ARHGAP22: variants seen among roughly 807,000 people sequenced by gnomAD.
ARHGAP22 encodes rho GTPase-activating protein 22.
A neutral mutation model predicts 59.1 loss-of-function variants in ARHGAP22; 48 were observed. The ratio of observed to expected loss-of-function variants is 0.81; its 90% CI spans 0.64 to 1.03. The LOEUF is 1.03. ARHGAP22 is among the 50% of genes least tolerant of loss of function. The pLI, the probability that ARHGAP22 is intolerant of heterozygous loss-of-function variation, is 0.00. For missense variants in ARHGAP22, 1,015 were observed against 958.7 expected, an observed-to-expected ratio of 1.06 and a Z score of -0.78; for synonymous variants, 445 against 416.4, an observed-to-expected ratio of 1.07 and a Z score of -0.84.
intron 1 of ARHGAP22, among the ~76,000 whole-genome samples, chr10:48,646,459 T>C (rs1324312160): frequency 2.0e-5 from 3 of 152,216 alleles, no homozygotes; most frequent in Non-Finnish European, 4.4e-5. Flanking sequence ...ATCAAGATAG[T>C]ATGGTATAGG....
chr10:48,587,903 C>T (rs1005830102), intron 1 of ARHGAP22, among the ~76,000 whole-genome samples: 43 of 152,242 alleles, frequency 2.8e-4, no homozygotes, highest in Non-Finnish European at 7.3e-5. Flanking sequence ...AGCACTGCTG[C>T]ACCCTCTGTC....
intron 1 of ARHGAP22, among the ~76,000 whole-genome samples, chr10:48,597,946 A>C (rs1300966425): frequency 1.3e-5 from 2 of 152,202 alleles, no homozygotes; most frequent in Non-Finnish European, 2.9e-5. Flanking sequence ...AGTGGAGTCC[A>C]AGGTGGCCTC....
intron 1 of ARHGAP22, among the ~76,000 whole-genome samples, chr10:48,630,520 T>C (rs1736974123): frequency 6.6e-6 from 1 of 152,244 alleles, no homozygotes; most frequent in African/African-American, 2.4e-5. Context: ...TATGTACATA[T>C]TCTGTTAGAT....
Position 48,450,815 on chromosome 10 carries a change from T to C in ARHGAP22, c.1314A>G (p.Leu438=). Residue 438 remains leucine, a synonymous_variant, in exon 9 of 10, where the codon CTA becomes CTG. Coordinates refer to ENST00000249601, the MANE Select transcript of ARHGAP22 (RefSeq NM_021226.4). ...WKSSFRQPRS[L]SGSPKGGGSS... is the part of the protein sequence containing the mutation. ...AGCCGCCCCCCTTCGGGCTTCCCGA[T>C]AGGGACCTCGGCTGCCGGAAGGAGG... is the stretch of plus-strand genomic sequence containing the variant. The C allele has an allele frequency of 2.5e-6, 4 of 1,584,236 alleles. No homozygotes were observed. The highest frequency in any genetic ancestry group is 3.4e-6 in the Non-Finnish European group (4 of 1,165,946).
intron 1 of ARHGAP22, among the ~76,000 whole-genome samples, chr10:48,636,858 A>G (rs2061840393): frequency 1.3e-5 from 2 of 152,246 alleles, no homozygotes; most frequent in African/African-American, 4.8e-5. Flanking sequence ...CAAAGGGTTC[A>G]GGAAGCAGAG....
At chr10:48,533,403 A>G (rs1055175267) in intron 3 of ARHGAP22, among the ~76,000 whole-genome samples, 10 of 152,092 alleles carry the variant, frequency 6.6e-5, no homozygotes, top group Non-Finnish European at 1.3e-4. Flanking sequence ...GCTTTGGCAA[A>G]TATGTAGGTC....
Position 48,451,062 on chromosome 10 carries a change from C to T in ARHGAP22, c.1067G>A (p.Gly356Glu), listed in dbSNP as rs775908131. ...CAGGCCCCCGCGCGGGGAGGTGGGCCCTTCCGGGACCGGTGCCGTGAAGAG... is the reference window on the plus strand; with the variant it reads ...CAGGCCCCCGCGCGGGGAGGTGGGCTCTTCCGGGACCGGTGCCGTGAAGAG... Reference protein sequence around the residue: ...SQLFTAPVPEGPTSPRGGLQC... With the variant: ...SQLFTAPVPEEPTSPRGGLQC... Residue 356 changes from glycine (G) to glutamate (E), a missense_variant, in exon 9 of 10, where the codon GGG becomes GAG. By Grantham distance (98) the Gly-to-Glu change is moderately conservative. Coordinates refer to ENST00000249601, the MANE Select transcript of ARHGAP22 (RefSeq NM_021226.4). The T allele has an allele frequency of 7.6e-5, 118 of 1,552,130 alleles. No individual in the cohort carries two copies. Among genetic ancestry groups the T allele is most frequent in the Non-Finnish European group, 9.9e-5 (114 of 1,147,814 alleles).
chr10:48,505,908 C>T (rs933038199), intron 3 of ARHGAP22, among the ~76,000 whole-genome samples: 1 of 152,234 alleles, frequency 6.6e-6, no homozygotes, highest in South Asian at 2.1e-4. Context: ...CGTGTTCTAC[C>T]GGCCCAATAC....
chr10:48,604,805 A>G lies in ARHGAP22; in HGVS notation c.-9T>C. The G allele has an allele frequency of 2.5e-6, 4 of 1,614,188 alleles. No individual in the cohort carries two copies. Among genetic ancestry groups the G allele is most frequent in the Non-Finnish European group, 3.4e-6 (4 of 1,180,036 alleles). ...ATCTTTGGGCTCAGCATGTTCTTGCAGCCGTCCGGCCAGCCCCGCAGGGCC... is the reference window on the plus strand; with the variant it reads ...ATCTTTGGGCTCAGCATGTTCTTGCGGCCGTCCGGCCAGCCCCGCAGGGCC... On this transcript the variant is annotated 5_prime_UTR_variant, in exon 1 of 10. Transcript: ENST00000249601.
rs185016019 is a variant in ARHGAP22 at position 48,502,360 on chromosome 10, C to T, written c.323-22596G>A. ...GAGTGTGGGAACAGCTGGGGAATGCCCAGGCACTGCCAAGGGGTGGTCTCT... is the reference window on the plus strand; with the variant it reads ...GAGTGTGGGAACAGCTGGGGAATGCTCAGGCACTGCCAAGGGGTGGTCTCT... On this transcript the variant is annotated intron_variant, in intron 3 of 9. Coordinates refer to ENST00000249601, the MANE Select transcript of ARHGAP22 (RefSeq NM_021226.4). Among the ~76,000 whole-genome samples, 393 of 152,286 alleles carry T rather than the reference C, an allele frequency of 2.6e-3. 2 individuals carry two copies. Among genetic ancestry groups the T allele is most frequent in the Non-Finnish European group, 4.5e-3 (307 of 68,008 alleles).
intron 4 of ARHGAP22, among the ~76,000 whole-genome samples, chr10:48,475,731 T>C (rs1223232524): frequency 2.6e-5 from 4 of 152,188 alleles, no homozygotes; most frequent in Non-Finnish European, 5.9e-5. Context: ...TGCACTGTTG[T>C]GTAAGGAGCT....
intron 3 of ARHGAP22, among the ~76,000 whole-genome samples, chr10:48,552,646 T>C (rs1263230904): frequency 6.6e-6 from 1 of 152,138 alleles, no homozygotes; most frequent in Non-Finnish European, 1.5e-5. Context: ...AGGAAGAAAA[T>C]GTCCCCAGAC....
At chr10:48,457,091 A>T (rs10776602) in intron 5 of ARHGAP22, among the ~76,000 whole-genome samples, 5 of 151,906 alleles carry the variant, frequency 3.3e-5, no homozygotes, top group South Asian at 2.1e-4. Context: ...GGGGACAAAG[A>T]GGCCCTGGTG....
At chr10:48,652,144 C>A in intron 1 of ARHGAP22, 2 of 1,271,782 alleles carry the variant, frequency 1.6e-6, no homozygotes, top group South Asian at 1.3e-5. Flanking sequence ...AGCCACAAGA[C>A]CAAGACAGCC....
chr10:48,563,558 G>A (rs906041566), intron 2 of ARHGAP22, among the ~76,000 whole-genome samples: 4 of 152,298 alleles, frequency 2.6e-5, no homozygotes, highest in East Asian at 1.9e-4. Flanking sequence ...TTAATTAAAT[G>A]CTTGCCATCG....
chr10:48,539,562 A>T (rs1030476508), intron 3 of ARHGAP22, among the ~76,000 whole-genome samples: 30 of 152,172 alleles, frequency 2.0e-4, no homozygotes, highest in Admixed American at 3.9e-4. Context: ...AAGTGCTGGG[A>T]TTACAGGCGT....
In ARHGAP22 at chr10:48,565,822, C is replaced by T. The variant is rs1474783594; in HGVS notation, c.235-10272G>A. Among the ~76,000 whole-genome samples the T allele has an allele frequency of 3.3e-5, 5 of 152,268 alleles. No homozygotes were observed. In the East Asian group the frequency reaches 9.7e-4, roughly 29 times the overall value. On this transcript the variant is annotated intron_variant, in intron 2 of 9. Coordinates refer to ENST00000249601, the MANE Select transcript of ARHGAP22 (RefSeq NM_021226.4). Reference sequence around the variant, plus strand: ...TCAAAACTCATTTTGGTCACTGTATCATTTGTTTGGTCTGTTTGTAGAAAC... The same window carrying T: ...TCAAAACTCATTTTGGTCACTGTATTATTTGTTTGGTCTGTTTGTAGAAAC...
At position 48,528,698 on chromosome 10, in the gene ARHGAP22, G is replaced by C. The variant is rs2054554616; in HGVS notation, c.322+26765C>G. ...CTAGTGGGAGGTATTTGGGTCATGG[G>C]GCTGATTCTTTATGAATGGCCTGGT... is the stretch of plus-strand genomic sequence containing the variant. On this transcript the variant is annotated intron_variant, in intron 3 of 9. Transcript: ENST00000249601. 1.3e-5 allele frequency among the ~76,000 whole-genome samples: 2 copies of C among 152,260 alleles called. 1 individual carries two copies. The highest frequency in any genetic ancestry group is 6.8e-3 in the Middle Eastern group (2 of 294).
chr10:48,503,717 C>A (rs1687591910), intron 3 of ARHGAP22, among the ~76,000 whole-genome samples: 1 of 152,256 alleles, frequency 6.6e-6, no homozygotes, highest in South Asian at 2.1e-4. Context: ...GCATCGATGT[C>A]CCCTCCTCAG....
Sources: gnomAD v4.1 joint callset for allele counts (sites outside exome capture counted in the v4.1 genomes callset) on GRCh38, gnomAD v4.1.1 for gene constraint, MANE v1.5 for transcripts, NCBI Gene and HGNC (gene_info 2026-07-23, HGNC 2026-07-21) for gene names.